Variants in CD300LF observed in about 807,000 individuals in gnomAD.
CD300LF encodes CMRF35-like molecule 1.
A neutral mutation model predicts 32.2 loss-of-function variants in CD300LF; 27 were observed. The observed-to-expected ratio is 0.84, with a 90% CI of 0.62 to 1.15. CD300LF has a LOEUF of 1.15. CD300LF is among the 50% of genes most tolerant of loss of function. The pLI is 0.00. For synonymous variants in CD300LF, 139 were observed against 143.2 expected (o/e 0.97, Z 0.21); for missense variants, 348 against 356.8 (o/e 0.98, Z 0.20).
At chr17:74,696,324 C>T in intron 4 of CD300LF, 107 bp from the exon 5 acceptor site, 1 of 1,240,020 alleles carries the variant, frequency 8.1e-7, no homozygotes, top group South Asian at 1.5e-5. Context: ...GAATTGGGTC[C>T]AGGCTCAGAG....
chr17:74,696,001 G>T, intron 5 of CD300LF, 142 bp from the exon 6 acceptor site: 1 of 1,260,568 alleles, frequency 7.9e-7, no homozygotes, highest in Non-Finnish European at 1.1e-6. Flanking sequence ...CACTTCTCAG[G>T]CTCCTGTACC....
At chr17:74,697,296 CCT>C (rs896123008) in intron 4 of CD300LF, among the ~76,000 whole-genome samples, 1 of 152,064 alleles carries the variant, frequency 6.6e-6, no homozygotes, top group Admixed American at 6.6e-5. Context: ...GTTGCTGGTC[CCT>C]GTCTTCTTTC....
intron 3 of CD300LF, 92 bp from the exon 4 acceptor site, chr17:74,698,573 C>T: frequency 1.3e-6 from 2 of 1,526,884 alleles, no homozygotes; most frequent in African/African-American, 1.4e-5. Flanking sequence ...GAGGGCCACA[C>T]ACCTGATGAG....
In CD300LF at chr17:74,704,710, C is replaced by G. The variant is rs866426606; in HGVS notation, c.150G>C (p.Leu50Phe). ...AAATAGCTCCTCGACACCACCACTT[C>G]AAGTAGGTCTCCCAGCCTGATCTGT... ...CVYRSGWETY[L>F]KWWCRGAIWR... Residue 50 changes from leucine to phenylalanine, a missense_variant, in exon 2 of 7, where the codon TTG becomes TTC. Transcript: ENST00000326165. 6.2e-7 allele frequency: 1 copy of G among 1,614,200 alleles called. No individual in the cohort carries two copies. Among genetic ancestry groups the G allele is most frequent in the Non-Finnish European group, 8.5e-7 (1 of 1,180,036 alleles).
chr17:74,699,748 G>A (rs1437807802), intron 3 of CD300LF, among the ~76,000 whole-genome samples: 2 of 152,088 alleles, frequency 1.3e-5, no homozygotes, highest in South Asian at 2.1e-4. Flanking sequence ...TCGTAACGGC[G>A]GCCACAGGAC....
In CD300LF at chr17:74,695,144, G is replaced by A. The variant is rs1158604421; in HGVS notation, c.825C>T (p.Gly275=). Residue 275 remains glycine (G), a synonymous_variant, in exon 7 of 7, where the codon GGC becomes GGT. Transcript: ENST00000326165. ...ATTCCGTGGGCTCCTCAGGGCCCCTGCCGGGGAGGTGGCTACTGAGGTGGC... is the reference window on the plus strand; with the variant it reads ...ATTCCGTGGGCTCCTCAGGGCCCCTACCGGGGAGGTGGCTACTGAGGTGGC... The part of the protein sequence containing the change: ...NMGHLSSHLP[G]RGPEEPTEYS... 2 of 1,614,078 alleles carry A rather than the reference G, an allele frequency of 1.2e-6. No individual in the cohort carries two copies. The highest frequency in any genetic ancestry group is 3.3e-5 in the Admixed American group (2 of 59,998).
At chr17:74,698,214 C>T (rs1350781151) in intron 4 of CD300LF, among the ~76,000 whole-genome samples, 155 bp downstream of exon 4, 1 of 152,028 alleles carries the variant, frequency 6.6e-6, no homozygotes, top group Non-Finnish European at 1.5e-5. Context: ...CTCCAGGGCG[C>T]CCCCCGGTCC....
In CD300LF at chr17:74,696,246, G is replaced by A. The variant is rs2032465196; in HGVS notation, c.560-29C>T. 3 of 1,598,278 alleles carry A rather than the reference G, an allele frequency of 1.9e-6. No individual in the cohort carries two copies. In the South Asian group the frequency reaches 3.4e-5, roughly 18 times the overall value. ...AAAGACAAACAACAATTCAGAATTA[G>A]AAAGCCCATTCCCCAGACTCACAAG... On this transcript the variant is annotated intron_variant, in intron 4 of 6. Coordinates refer to ENST00000326165, the MANE Select transcript of CD300LF (RefSeq NM_139018.5).
At chr17:74,704,455 C>T in intron 2 of CD300LF, 23 bp downstream of exon 2, 1 of 1,543,642 alleles carries the variant, frequency 6.5e-7, no homozygotes, top group Non-Finnish European at 8.9e-7. Flanking sequence ...GAGAGACACA[C>T]ACATATATAC....
At position 74,701,722 on chromosome 17, in the gene CD300LF, C is replaced by T. The variant is rs1044719255; in HGVS notation, c.446+1313G>A. ...AAAATTGGCCGGGCATGGTGGCTTA[C>T]GCCTGTAGTTGCAGCTACTCGAGAA... On this transcript the variant is annotated intron_variant, in intron 3 of 6. Coordinates refer to ENST00000326165, the MANE Select transcript of CD300LF (RefSeq NM_139018.5). Among the ~76,000 whole-genome samples, 15 of 152,048 alleles carry T rather than the reference C, an allele frequency of 9.9e-5. No homozygotes were observed. In the East Asian group the frequency reaches 1.4e-3, roughly 14 times the overall value.
At chr17:74,696,903 T>TGTTTGGTTTGGTTTG (rs72122986) in intron 4 of CD300LF, among the ~76,000 whole-genome samples, 65 of 146,824 alleles carry the variant, frequency 4.4e-4, no homozygotes, top group Non-Finnish European at 5.8e-4. Context: ...GGACCGATTT[T>TGTTTGGTTTGGTTTG]GTTTGGTTTG....
chr17:74,709,325 T>C (rs1160571596), intron 1 of CD300LF, among the ~76,000 whole-genome samples: 2 of 152,092 alleles, frequency 1.3e-5, no homozygotes, highest in African/African-American at 2.4e-5. Context: ...GAAGTAGTGA[T>C]AGGAATCAAC....
chr17:74,712,200 C>A (rs141148701), intron 1 of CD300LF, among the ~76,000 whole-genome samples: 4 of 152,106 alleles, frequency 2.6e-5, no homozygotes, highest in Non-Finnish European at 5.9e-5. Context: ...CTTTCCCTGG[C>A]CTCCCTTCAT....
intron 1 of CD300LF, among the ~76,000 whole-genome samples, chr17:74,709,324 A>G (rs958111612): frequency 6.6e-5 from 10 of 152,190 alleles, no homozygotes; most frequent in Non-Finnish European, 2.9e-5. Context: ...AGAAGTAGTG[A>G]TAGGAATCAA....
intron 3 of CD300LF, among the ~76,000 whole-genome samples, chr17:74,700,818 C>T (rs2032983982): frequency 6.6e-6 from 1 of 152,084 alleles, no homozygotes; most frequent in Non-Finnish European, 1.5e-5. Flanking sequence ...ACCCCCCCAC[C>T]CCAATCCATA....
intron 1 of CD300LF, chr17:74,705,273 G>C: frequency 4.3e-6 from 3 of 700,934 alleles, no homozygotes; most frequent in Non-Finnish European, 7.8e-6. Context: ...CTGTGGAGAG[G>C]CTGTCCTGGT....
In CD300LF at chr17:74,696,232, A is replaced by G; in HGVS notation, c.560-15T>C. On this transcript the variant is annotated splice_polypyrimidine_tract_variant and intron_variant, in intron 4 of 6. Transcript: ENST00000326165. ...CATCCCGGCTGCTAAAAGACAAACA[A>G]CAATTCAGAATTAGAAAGCCCATTC... The G allele has an allele frequency of 6.2e-7, 1 of 1,603,738 alleles. No homozygotes were observed. The highest frequency in any genetic ancestry group is 8.5e-7 in the Non-Finnish European group (1 of 1,174,960).
intron 2 of CD300LF, 147 bp downstream of exon 2, chr17:74,704,331 C>T (rs537499773): frequency 1.6e-6 from 1 of 640,306 alleles, no homozygotes; most frequent in South Asian, 1.9e-5. Flanking sequence ...CCTGCTCCCC[C>T]AGTCCCAGGT....
chr17:74,709,510 T>G (rs1211394669), intron 1 of CD300LF, among the ~76,000 whole-genome samples: 1 of 152,204 alleles, frequency 6.6e-6, no homozygotes, highest in Non-Finnish European at 1.5e-5. Flanking sequence ...TTTGTACATT[T>G]TATTTTCCAC....
Sources: gnomAD v4.1 joint callset for allele counts (sites outside exome capture counted in the v4.1 genomes callset) on GRCh38, gnomAD v4.1.1 for gene constraint, MANE v1.5 for transcripts, NCBI Gene and HGNC (gene_info 2026-07-23, HGNC 2026-07-21) for gene names.